The following SLC24A2 variants were observed in gnomAD, a reference collection of about 807,000 sequenced individuals.
SLC24A2 encodes the protein sodium/potassium/calcium exchanger 2.
Under a neutral mutation model 62.0 loss-of-function variants are expected in SLC24A2, and 36 were observed. The observed-to-expected ratio is 0.58, with a 90% CI of 0.44 to 0.77. SLC24A2 has a LOEUF of 0.77. Among genes scored for constraint, SLC24A2 ranks in the 30% least tolerant of loss-of-function variants. The probability of loss-of-function intolerance (pLI) is 0.00; values close to 1 mark genes in which losing one functional copy is unlikely to be tolerated. For missense variants in SLC24A2, 846 were observed against 817.9 expected (o/e 1.03, Z -0.42); for synonymous variants, 358 against 294.0 (o/e 1.22, Z -2.23).
the SLC24A2 span, among the ~76,000 whole-genome samples, chr9:19,948,723 T>G: frequency 4.0e-4 from 60 of 150,692 alleles, no homozygotes; most frequent in African/African-American, 1.4e-3. Context: ...CGGGCGCCTG[T>G]AGTCCCAGCT....
At chr9:20,097,241 G>A in the SLC24A2 span, among the ~76,000 whole-genome samples, 1 of 152,140 alleles carries the variant, frequency 6.6e-6, no homozygotes, top group Non-Finnish European at 1.5e-5. Flanking sequence ...ATGATTGGGA[G>A]CAAAGCTGAT....
chr9:20,304,945 A>G, the SLC24A2 span, among the ~76,000 whole-genome samples: 3 of 152,004 alleles, frequency 2.0e-5, no homozygotes, highest in Non-Finnish European at 2.9e-5. Context: ...CCAGCCCACA[A>G]TGAGTCTTAT....
the SLC24A2 span, among the ~76,000 whole-genome samples, chr9:20,112,048 A>G: frequency 6.6e-6 from 1 of 152,194 alleles, no homozygotes; most frequent in East Asian, 1.9e-4. Context: ...TAAGAAAATG[A>G]AAAAAAGTAG....
intron 2 of SLC24A2, among the ~76,000 whole-genome samples, chr9:19,742,318 T>C (rs1354755383): frequency 1.3e-5 from 2 of 152,206 alleles, no homozygotes; most frequent in Non-Finnish European, 2.9e-5. Flanking sequence ...AAGGAAATAA[T>C]ACAGTAAATG....
the SLC24A2 span, among the ~76,000 whole-genome samples, chr9:20,020,945 C>T: frequency 3.9e-4 from 59 of 152,068 alleles, 3 homozygotes. Flanking sequence ...TTCTACTGGT[C>T]TTTATGTTTC....
intron 2 of SLC24A2, among the ~76,000 whole-genome samples, chr9:19,690,894 G>A (rs1820024135): frequency 6.7e-6 from 1 of 150,096 alleles, no homozygotes; most frequent in African/African-American, 2.4e-5. Context: ...CACCACTAAG[G>A]GAGGCGTATT....
At chr9:20,200,580 C>T in the SLC24A2 span, among the ~76,000 whole-genome samples, 1 of 152,186 alleles carries the variant, frequency 6.6e-6, no homozygotes, top group Non-Finnish European at 1.5e-5. Flanking sequence ...ACTCATTGGG[C>T]TTAAAACACC....
At chr9:20,272,699 A>C in the SLC24A2 span, among the ~76,000 whole-genome samples, 28 of 152,376 alleles carry the variant, frequency 1.8e-4, no homozygotes, top group African/African-American at 6.7e-4. Flanking sequence ...GAAGAAAAGC[A>C]TAGCAGCCTA....
chr9:19,747,000 G>C (rs1479813660), intron 2 of SLC24A2, among the ~76,000 whole-genome samples: 1 of 152,056 alleles, frequency 6.6e-6, no homozygotes, highest in African/African-American at 2.4e-5. Flanking sequence ...TGTCTACTGT[G>C]GGCCAGTACT....
Position 19,614,918 on chromosome 9 carries a change from A to G in SLC24A2, c.1078+4666T>C, listed in dbSNP as rs79207322. On this transcript the variant is annotated intron_variant, in intron 4 of 10. Coordinates refer to ENST00000341998, the MANE Select transcript of SLC24A2 (RefSeq NM_020344.4). ...AATGACCTCCAATGATGCCACATGG[A>G]ACAGAAAACTCACCCAGGTAATCCC... 4.8e-3 allele frequency among the ~76,000 whole-genome samples: 730 copies of G among 152,162 alleles called. 5 individuals carry two copies. The highest frequency in any genetic ancestry group is 0.017 in the African/African-American group (693 of 41,512).
chr9:19,837,742 G>A, the SLC24A2 span, among the ~76,000 whole-genome samples: 19 of 151,974 alleles, frequency 1.3e-4, 2 homozygotes, highest in South Asian at 2.7e-3. Context: ...AAATCAATGT[G>A]CAAAAATCAC....
chr9:20,225,560 T>TAA, the SLC24A2 span, among the ~76,000 whole-genome samples: 2 of 100,270 alleles, frequency 2.0e-5, no homozygotes, highest in Admixed American at 1.1e-4. Context: ...ACTATATATA[T>TAA]TATATATATA....
chr9:20,224,723 G>T, the SLC24A2 span, among the ~76,000 whole-genome samples: 1 of 151,802 alleles, frequency 6.6e-6, no homozygotes, highest in Non-Finnish European at 1.5e-5. Flanking sequence ...GGAGGGAAGA[G>T]GAAAAAATAC....
chr9:19,886,701 G>A, the SLC24A2 span, among the ~76,000 whole-genome samples: 1 of 152,058 alleles, frequency 6.6e-6, no homozygotes, highest in East Asian at 1.9e-4. Context: ...CCCATTACTG[G>A]GTATATACCC....
At chr9:19,811,084 T>C in the SLC24A2 span, among the ~76,000 whole-genome samples, 1 of 152,136 alleles carries the variant, frequency 6.6e-6, no homozygotes, top group African/African-American at 2.4e-5. Context: ...ATTGATGTTA[T>C]TGAGGTGGGG....
the SLC24A2 span, chr9:19,895,696 A>T: frequency 1.0e-6 from 1 of 1,004,988 alleles, no homozygotes; most frequent in African/African-American, 1.6e-5. Context: ...TGCACTGTTC[A>T]TTGGGTGGCT....
chr9:20,167,885 C>T, the SLC24A2 span, among the ~76,000 whole-genome samples: 3 of 151,486 alleles, frequency 2.0e-5, no homozygotes, highest in African/African-American at 7.3e-5. Flanking sequence ...ATGCCCAGCC[C>T]TGTTTTTTTT....
At chr9:19,634,580 G>T (rs148242196) in intron 2 of SLC24A2, among the ~76,000 whole-genome samples, 1 of 152,186 alleles carries the variant, frequency 6.6e-6, no homozygotes, top group East Asian at 1.9e-4. Context: ...GAACCACTGC[G>T]CCCGGCCAAA....
the SLC24A2 span, among the ~76,000 whole-genome samples, chr9:19,954,278 G>A: frequency 1.3e-4 from 20 of 152,232 alleles, no homozygotes; most frequent in Middle Eastern, 6.8e-3. Context: ...ACTTGAGAGA[G>A]AAGGATCTAG....
Sources: allele counts gnomAD v4.1 joint callset (sites outside exome capture counted in the v4.1 genomes callset), GRCh38; gene constraint gnomAD v4.1.1; transcripts MANE v1.5; gene names NCBI Gene and HGNC (gene_info 2026-07-23, HGNC 2026-07-21).